WDPCP: variants seen among roughly 807,000 people sequenced by gnomAD.
WDPCP encodes the protein WD repeat containing planar cell polarity effector.
Under a neutral mutation model 93.1 loss-of-function variants are expected in WDPCP, and 71 were observed. That is an observed-to-expected ratio of 0.76 (90% CI 0.63 to 0.93). WDPCP has a LOEUF of 0.93. Ranked by LOEUF, WDPCP falls within the 40% of genes least tolerant of loss-of-function variation. The pLI is 0.00. For synonymous variants in WDPCP, 315 were observed against 315.0 expected (o/e 1.00, Z 0.00); for missense variants, 844 against 887.4 (o/e 0.95, Z 0.62).
chr2:63,656,461 C>A (rs1710166936), intron 2 of WDPCP, among the ~76,000 whole-genome samples: 1 of 152,162 alleles, frequency 6.6e-6, no homozygotes, highest in Admixed American at 6.5e-5. Context: ...TACAGGCGGG[C>A]TGAGAGGGCC....
intron 12 of WDPCP, among the ~76,000 whole-genome samples, chr2:63,331,182 T>G (rs1687952238): frequency 6.6e-6 from 1 of 152,184 alleles, no homozygotes; most frequent in Non-Finnish European, 1.5e-5. Context: ...CCATATTTTT[T>G]TAAAGCCAGA....
intron 14 of WDPCP, among the ~76,000 whole-genome samples, chr2:63,230,524 A>G (rs548186304): frequency 5.5e-4 from 83 of 152,274 alleles, no homozygotes; most frequent in Non-Finnish European, 1.0e-3. Flanking sequence ...TGTCTTCCAC[A>G]ATGGTTGAAC....
At chr2:63,245,310 T>C (rs1415758386) in intron 14 of WDPCP, among the ~76,000 whole-genome samples, 1 of 152,192 alleles carries the variant, frequency 6.6e-6, no homozygotes, top group East Asian at 1.9e-4. Context: ...CTCTGCTCTT[T>C]GTAAAGATAT....
At chr2:63,736,522 C>T (rs953259147) in intron 2 of WDPCP, among the ~76,000 whole-genome samples, 1 of 152,124 alleles carries the variant, frequency 6.6e-6, no homozygotes, top group African/African-American at 2.4e-5. Flanking sequence ...TTATTGAGAA[C>T]ACCAAATATG....
Position 63,381,827 on chromosome 2 carries a change from AC to A in WDPCP, c.1624+78del, listed in dbSNP as rs1692330918. On this transcript the variant is annotated intron_variant, in intron 11 of 17. Coordinates refer to ENST00000272321, the MANE Select transcript of WDPCP (RefSeq NM_015910.7). ...TAATCTCCAATACCATGACTCAAAA[AC>A]AACCTCAAAAAATAACTCAATAAAA... 4.0e-6 allele frequency: 6 copies of A among 1,490,458 alleles called. No homozygotes were observed. The East Asian group carries it at 1.2e-4, about 29-fold the overall frequency. 92.3% of individuals were successfully genotyped at this position (1,490,458 alleles called of 1,614,324 possible).
rs903231465 is a variant in WDPCP, at chr2:63,630,601, AC to A, written n.488+20057del. 7.3e-4 allele frequency among the ~76,000 whole-genome samples: 111 copies of A among 152,334 alleles called. 1 individual carries two copies. Among genetic ancestry groups the A allele is most frequent in the African/African-American group, 2.5e-3 (103 of 41,586 alleles). ...GCAATCCTACATATGTATGCACCAAACAACAGAGATGCAAAATATGTGAAGC... is the reference window on the plus strand; with the variant it reads ...GCAATCCTACATATGTATGCACCAAAAACAGAGATGCAAAATATGTGAAGC... On this transcript the variant is annotated intron_variant and non_coding_transcript_variant, in intron 3 of 4. Coordinates refer to the WDPCP transcript ENST00000467687.
intron 17 of WDPCP, among the ~76,000 whole-genome samples, chr2:63,147,040 A>G (rs898198662): frequency 6.6e-6 from 1 of 152,224 alleles, no homozygotes; most frequent in Non-Finnish European, 1.5e-5. Flanking sequence ...TGACACCTAT[A>G]GTGCTCAAAG....
the WDPCP span, among the ~76,000 whole-genome samples, chr2:63,833,383 T>C: frequency 3.9e-4 from 59 of 152,348 alleles, no homozygotes; most frequent in African/African-American, 1.3e-3. Flanking sequence ...TATCCAAGGT[T>C]ACTCAGGTTC....
chr2:63,301,929 G>C (rs1343855520), intron 13 of WDPCP, among the ~76,000 whole-genome samples: 1 of 152,026 alleles, frequency 6.6e-6, no homozygotes, highest in Non-Finnish European at 1.5e-5. Flanking sequence ...TTTTGCACAA[G>C]GGCATGGCCT....
At chr2:63,331,615 A>C (rs768879214) in intron 12 of WDPCP, among the ~76,000 whole-genome samples, 2 of 152,204 alleles carry the variant, frequency 1.3e-5, no homozygotes, top group Non-Finnish European at 2.9e-5. Context: ...TACAATCAAG[A>C]TAAGTATTTT....
chr2:63,776,168 A>G (rs1056781847), intron 2 of WDPCP, among the ~76,000 whole-genome samples: 1 of 152,112 alleles, frequency 6.6e-6, no homozygotes, highest in African/African-American at 2.4e-5. Context: ...CTCAAAAAAA[A>G]AAAAGAACTT....
chr2:63,606,842 T>C, intron 3 of WDPCP: 2 of 1,586,364 alleles, frequency 1.3e-6, no homozygotes, highest in Non-Finnish European at 1.7e-6. Flanking sequence ...AAATCTCTTA[T>C]TTGCATTATT....
intron 9 of WDPCP, 118 bp from the exon 10 acceptor site, chr2:63,404,775 T>C: frequency 2.4e-6 from 3 of 1,248,924 alleles, no homozygotes; most frequent in Non-Finnish European, 2.3e-6. Flanking sequence ...ATCTTAAACA[T>C]CAGCAACATA....
At position 63,216,794 on chromosome 2, in the gene WDPCP, C is replaced by T. The variant is rs576962387; in HGVS notation, c.1916-41962G>A. Reference sequence around the variant, plus strand: ...AATTTTTTTCCTAAAAATTTATTAGCTTAGGAAATTTTTTAATGAAGTAAA... The same window carrying T: ...AATTTTTTTCCTAAAAATTTATTAGTTTAGGAAATTTTTTAATGAAGTAAA... On this transcript the variant is annotated intron_variant, in intron 14 of 17. Coordinates refer to ENST00000272321, the MANE Select transcript of WDPCP (RefSeq NM_015910.7). 7.3e-5 allele frequency among the ~76,000 whole-genome samples: 11 copies of T among 151,700 alleles called. No homozygotes were observed. In the East Asian group the frequency reaches 2.1e-3, roughly 29 times the overall value.
chr2:63,339,736 A>C (rs191296738), intron 12 of WDPCP, among the ~76,000 whole-genome samples: 2 of 152,118 alleles, frequency 1.3e-5, no homozygotes, highest in African/African-American at 4.8e-5. Context: ...ATGTTGAATA[A>C]AAGTGGTGAA....
chr2:63,508,347 T>A (rs1702016758), intron 1 of WDPCP, among the ~76,000 whole-genome samples: 1 of 152,036 alleles, frequency 6.6e-6, no homozygotes, highest in Non-Finnish European at 1.5e-5. Flanking sequence ...GCTTCATAAG[T>A]GAAGGAGAAA....
intron 1 of WDPCP, among the ~76,000 whole-genome samples, chr2:63,825,144 C>T (rs762267375): frequency 1.3e-4 from 19 of 151,988 alleles, no homozygotes; most frequent in Non-Finnish European, 2.2e-4. Context: ...TAATAAATGC[C>T]GGTGAATACA....
chr2:63,409,724 T>C (rs905136322), intron 9 of WDPCP, among the ~76,000 whole-genome samples: 17 of 151,934 alleles, frequency 1.1e-4, no homozygotes, highest in African/African-American at 4.1e-4. Context: ...TCAGGAAACA[T>C]TGGAAACACT....
intron 10 of WDPCP, among the ~76,000 whole-genome samples, chr2:63,403,555 T>C (rs1694314811): frequency 6.6e-6 from 1 of 152,230 alleles, no homozygotes; most frequent in Non-Finnish European, 1.5e-5. Flanking sequence ...CTAAAAGTTA[T>C]ACAGGTATCT....
Sources: allele counts gnomAD v4.1 joint callset (sites outside exome capture counted in the v4.1 genomes callset), GRCh38; gene constraint gnomAD v4.1.1; transcripts MANE v1.5; gene names NCBI Gene and HGNC (gene_info 2026-07-23, HGNC 2026-07-21).